Variants in CUX1 observed in about 807,000 individuals in gnomAD.
The protein encoded by CUX1 is protein CASP.
CUX1 carries 31 observed loss-of-function variants against 158.8 expected under a neutral mutation model. The ratio of observed to expected loss-of-function variants is 0.20; its 90% confidence interval spans 0.15 to 0.26. The LOEUF (loss-of-function observed/expected upper bound fraction) is 0.26, where lower values mean the gene tolerates loss of function less well. Ranked by LOEUF, CUX1 falls within the 10% of genes least tolerant of loss-of-function variation. CUX1 has a pLI of 1.00. For missense variants in CUX1, 1,589 were observed against 2,014.6 expected, an observed-to-expected ratio of 0.79 and a Z score of 4.04; for synonymous variants, 879 against 862.1, an observed-to-expected ratio of 1.02 and a Z score of -0.34.
chr7:101,854,201 CTG>C (rs1480961280), intron 1 of CUX1, among the ~76,000 whole-genome samples: 2 of 152,098 alleles, frequency 1.3e-5, no homozygotes, highest in African/African-American at 2.4e-5. Context: ...TGGGGCAAGG[CTG>C]TGTGTGATGA....
chr7:101,987,106 C>T (rs932375685), intron 2 of CUX1, among the ~76,000 whole-genome samples: 2 of 152,184 alleles, frequency 1.3e-5, no homozygotes, highest in Non-Finnish European at 1.5e-5. Context: ...GCTCTGACCT[C>T]GTCCGTCTTG....
chr7:102,088,062 A>G (rs1407217701), intron 4 of CUX1, among the ~76,000 whole-genome samples: 1 of 150,920 alleles, frequency 6.6e-6, no homozygotes, highest in Non-Finnish European at 1.5e-5. Flanking sequence ...CAGTGGTGCA[A>G]TCTTGGCTCA....
At chr7:101,888,029 A>G (rs912114705) in intron 1 of CUX1, among the ~76,000 whole-genome samples, 6 of 152,150 alleles carry the variant, frequency 3.9e-5, no homozygotes, top group East Asian at 1.9e-4. Context: ...CTGAGGGTCA[A>G]TGAGTTCCAT....
Position 102,248,344 on chromosome 7 carries a change from G to C in CUX1, c.3888-68G>C, listed in dbSNP as rs1459710490. On this transcript the variant is annotated intron_variant, in intron 23 of 23. Transcript: ENST00000292535. This position sits in a 1 kb window ranked among gnomAD's most constrained non-coding sequence, Gnocchi z 5.8. ...GAGCCCCAGAGAGAGGGGTCTGGCT[G>C]GGGTAGCACCAGAGGCCCTTTCCCC... 7.1e-7 allele frequency: 1 copy of C among 1,412,436 alleles called. No homozygotes were observed. The highest frequency in any genetic ancestry group is 9.5e-7 in the Non-Finnish European group (1 of 1,050,268). The allele number at this position is 1,412,436 out of a possible 1,614,324, so 87.5% of individuals were successfully genotyped here.
intron 4 of CUX1, among the ~76,000 whole-genome samples, chr7:102,072,493 C>G (rs1297545101): frequency 1.3e-5 from 2 of 152,220 alleles, no homozygotes; most frequent in African/African-American, 4.8e-5. Flanking sequence ...TTGGTTGCAA[C>G]CAATCAGAGG....
rs573664740 is a variant in CUX1 at position 102,202,889 on chromosome 7, C to G, written c.2907+685C>G. Among the ~76,000 whole-genome samples the G allele has an allele frequency of 2.6e-5, 4 of 152,294 alleles. No homozygotes were observed. In the East Asian group the frequency reaches 7.7e-4, roughly 29 times the overall value. On this transcript the variant is annotated intron_variant, in intron 18 of 23. Transcript: ENST00000292535. ...TAGGCCTTTCTGTTCTTGGCACTTT[C>G]CTGGTCACTGAGATTCAGGAGAATG...
chr7:101,931,298 T>G (rs772106536), intron 2 of CUX1, among the ~76,000 whole-genome samples: 19 of 152,092 alleles, frequency 1.2e-4, no homozygotes, highest in Admixed American at 6.6e-4. Context: ...GCAGTCCCAT[T>G]GTGTGTGGAA....
intron 20 of CUX1, among the ~76,000 whole-genome samples, chr7:102,212,286 A>G (rs888100757): frequency 6.6e-6 from 1 of 152,112 alleles, no homozygotes; most frequent in African/African-American, 2.4e-5. Flanking sequence ...TTTTGTTTCA[A>G]AGCAACAAAC....
intron 2 of CUX1, among the ~76,000 whole-genome samples, chr7:102,000,399 G>A (rs903953873): frequency 6.6e-6 from 1 of 152,182 alleles, no homozygotes; most frequent in African/African-American, 2.4e-5. Flanking sequence ...TTTCCCAAGT[G>A]CATGCGTCTG....
At chr7:101,844,655 G>A (rs925347884) in intron 1 of CUX1, among the ~76,000 whole-genome samples, 3 of 151,442 alleles carry the variant, frequency 2.0e-5, no homozygotes, top group Admixed American at 1.3e-4. Flanking sequence ...TCTCTCTGTC[G>A]CCCAGGCTGG....
chr7:101,817,162 C>T, upstream of CUX1: 3 of 984,350 alleles, frequency 3.0e-6, no homozygotes, highest in South Asian at 4.7e-5. The surrounding 1 kb of genome is among the most constrained non-coding windows in gnomAD (Gnocchi z 4.1). Context: ...GCAACTTTCC[C>T]CTAGGCAGGC....
intron 2 of CUX1, among the ~76,000 whole-genome samples, chr7:101,985,559 T>C (rs1283052950): frequency 6.6e-6 from 1 of 152,204 alleles, no homozygotes; most frequent in Non-Finnish European, 1.5e-5. Flanking sequence ...TGTTGCCAGA[T>C]TTTTGCAGTT....
chr7:101,873,918 T>C (rs980270896), intron 1 of CUX1, among the ~76,000 whole-genome samples: 1 of 152,218 alleles, frequency 6.6e-6, no homozygotes. Context: ...TATAGGTACT[T>C]GCCTCTGTTT....
rs182863026 is a variant in CUX1 at position 101,879,738 on chromosome 7, G to A, written c.31-36377G>A. Among the ~76,000 whole-genome samples, 108 of 152,372 alleles carry A rather than the reference G, an allele frequency of 7.1e-4. No individual in the cohort carries two copies. The East Asian group carries it at 0.019, about 26-fold the overall frequency. On this transcript the variant is annotated intron_variant, in intron 1 of 23. Transcript: ENST00000292535. Reference sequence around the variant, plus strand: ...TGGCCCCCTGGGTGCCGTGCGGCCCGCCCGCAGGGTCCTTGGTGGAGCTCC... The same window carrying A: ...TGGCCCCCTGGGTGCCGTGCGGCCCACCCGCAGGGTCCTTGGTGGAGCTCC...
At chr7:102,153,652 C>T (rs528986381) in intron 8 of CUX1, 2 of 152,416 alleles carry the variant, frequency 1.3e-5, no homozygotes, top group East Asian at 1.9e-4. Flanking sequence ...GAATGCCTAC[C>T]GTGTGTTTTT....
rs1554541438 is a variant in CUX1 at position 102,254,697 on chromosome 7, TCGA to T, written c.*5660_*5662del. 1.0e-6 allele frequency: 1 copy of T among 985,386 alleles called. No homozygotes were observed. The highest frequency in any genetic ancestry group is 1.2e-6 in the Non-Finnish European group (1 of 829,982). 61.0% of individuals were successfully genotyped at this position (985,386 alleles called of 1,614,324 possible). A position where few individuals can be genotyped will look rare whatever the true frequency, so the allele number is the denominator to read the frequency against. Reference sequence around the variant, plus strand: ...GTGCTTCTGTGGTTTCACCTGGGCATCGACGACATTAGGGAAGCCTTTGTGACC... The same window carrying T: ...GTGCTTCTGTGGTTTCACCTGGGCATCGACATTAGGGAAGCCTTTGTGACC... On this transcript the variant is annotated 3_prime_UTR_variant, in exon 24 of 24. Transcript: ENST00000292535.
chr7:102,169,965 C>T (rs545429635), intron 9 of CUX1, among the ~76,000 whole-genome samples: 20 of 152,262 alleles, frequency 1.3e-4, no homozygotes, highest in African/African-American at 4.3e-4. Flanking sequence ...ACATCCTGTA[C>T]GTTTATGGAA....
At chr7:101,965,389 C>A (rs111302123) in intron 2 of CUX1, among the ~76,000 whole-genome samples, 2 of 152,070 alleles carry the variant, frequency 1.3e-5, no homozygotes, top group Non-Finnish European at 2.9e-5. Flanking sequence ...GTGCCCATGA[C>A]GTCTCCCTCC....
chr7:102,248,888 C>T lies in CUX1; in HGVS notation c.4364C>T (p.Ser1455Leu). Reference sequence around the variant, plus strand: ...AGCAGCGCCCCCCGCAGGCCCAGCTCGCTGCAGAGCCTTTTCGGCCTCCCC... The same window carrying T: ...AGCAGCGCCCCCCGCAGGCCCAGCTTGCTGCAGAGCCTTTTCGGCCTCCCC... Reference protein sequence around the residue: ...SSSSAPRRPSSLQSLFGLPEA... With the variant: ...SSSSAPRRPSLLQSLFGLPEA... Residue 1455 changes from serine to leucine, a missense_variant, in exon 24 of 24, where the codon TCG becomes TTG. Transcript: ENST00000292535. The surrounding 1 kb of genome is among the most constrained non-coding windows in gnomAD (Gnocchi z 5.8). The T allele has an allele frequency of 7.2e-7, 1 of 1,394,548 alleles. No individual in the cohort carries two copies. The highest frequency in any genetic ancestry group is 9.4e-7 in the Non-Finnish European group (1 of 1,066,500). 86.4% of individuals were successfully genotyped at this position (1,394,548 alleles called of 1,614,324 possible).
Sources: allele counts gnomAD v4.1 joint callset (sites outside exome capture counted in the v4.1 genomes callset), GRCh38; gene constraint gnomAD v4.1.1; non-coding constraint Gnocchi (gnomAD v3.1); transcripts MANE v1.5; gene names NCBI Gene and HGNC (gene_info 2026-07-23, HGNC 2026-07-21).